The following RBM20 variants were observed in gnomAD, a reference collection of about 807,000 sequenced individuals.
The protein encoded by RBM20 is RNA binding motif protein 20, also known as RNA-binding protein 20.
Under a neutral mutation model 110.1 loss-of-function variants are expected in RBM20, and 51 were observed. That is an observed-to-expected ratio of 0.46 (90% CI 0.37 to 0.59). The LOEUF (loss-of-function observed/expected upper bound fraction) is 0.59. Among genes scored for constraint, RBM20 ranks in the 20% least tolerant of loss-of-function variants. The pLI, the probability that RBM20 is intolerant of heterozygous loss-of-function variation, is 0.00. For missense variants in RBM20, 1,512 were observed against 1,574.9 expected, an observed-to-expected ratio of 0.96 and a Z score of 0.68; for synonymous variants, 589 against 618.2, an observed-to-expected ratio of 0.95 and a Z score of 0.70.
chr10:110,810,703 C>T (rs1347349956), intron 8 of RBM20, among the ~76,000 whole-genome samples: 1 of 152,156 alleles, frequency 6.6e-6, no homozygotes, highest in East Asian at 1.9e-4. Context: ...AGCTCCTCAC[C>T]CTTTGTTGGA....
chr10:110,820,352 G>C (rs1475149184), intron 10 of RBM20, among the ~76,000 whole-genome samples, 176 bp downstream of exon 10: 1 of 152,148 alleles, frequency 6.6e-6, no homozygotes, highest in East Asian at 1.9e-4. Context: ...TGGAATCTTC[G>C]GACAGTTTTT....
At chr10:110,829,806 C>A (rs189256913) in intron 12 of RBM20, among the ~76,000 whole-genome samples, 4 of 152,124 alleles carry the variant, frequency 2.6e-5, no homozygotes, top group African/African-American at 9.7e-5. Context: ...CCCATCCCTG[C>A]AAGAAATTGC....
intron 1 of RBM20, among the ~76,000 whole-genome samples, chr10:110,718,270 T>C (rs980424082): frequency 2.0e-5 from 3 of 152,226 alleles, no homozygotes; most frequent in Non-Finnish European, 2.9e-5. Context: ...TTAAAACACA[T>C]TACATTTTAT....
At position 110,654,955 on chromosome 10, in the gene RBM20, G is replaced by C. The variant is rs191137010; in HGVS notation, c.191+10310G>C. ...ATCCATTTACTTCAACAATAATCCT[G>C]TGAGGTAAGTGTTGTTATTCTCCCC... On this transcript the variant is annotated intron_variant, in intron 1 of 13. Transcript: ENST00000369519. 1.3e-3 allele frequency among the ~76,000 whole-genome samples: 199 copies of C among 152,316 alleles called. 1 individual carries two copies. Among genetic ancestry groups the C allele is most frequent in the African/African-American group, 4.6e-3 (192 of 41,558 alleles).
Position 110,799,818 on chromosome 10 carries a change from C to A in RBM20, c.1700C>A (p.Ala567Glu). 6.4e-7 allele frequency: 1 copy of A among 1,551,450 alleles called. No homozygotes were observed. The highest frequency in any genetic ancestry group is 8.7e-7 in the Non-Finnish European group (1 of 1,146,656). Residue 567 changes from alanine (A) to glutamate (E), a missense_variant, in exon 7 of 14, where the codon GCA becomes GAA. By Grantham distance (107) the Ala-to-Glu change is moderately radical (BLOSUM62 -1). Transcript: ENST00000369519. ...TTAGAGATGGCTTACACAGAAGCTG[C>A]ACAGGCCATGGTCCAGTATTATCAA... ...AFLEMAYTEA[A>E]QAMVQYYQEK... is the part of the protein sequence containing the mutation.
At chr10:110,767,125 A>C (rs1257733371) in intron 1 of RBM20, among the ~76,000 whole-genome samples, 10 of 79,310 alleles carry the variant, frequency 1.3e-4, no homozygotes, top group Admixed American at 1.3e-4. Flanking sequence ...GACCCCCCCC[A>C]CCTCCCTCCC....
At chr10:110,764,731 C>T (rs1844056614) in intron 1 of RBM20, among the ~76,000 whole-genome samples, 1 of 152,160 alleles carries the variant, frequency 6.6e-6, no homozygotes, top group South Asian at 2.1e-4. Context: ...TTGGAATTTT[C>T]TAGGGAGGCA....
Position 110,835,861 on chromosome 10 carries a change from T to G in RBM20, c.3574-7T>G, listed in dbSNP as rs397516616. The G allele has an allele frequency of 1.2e-4, 189 of 1,550,612 alleles. No homozygotes were observed. The highest frequency in any genetic ancestry group is 1.6e-4 in the Non-Finnish European group (180 of 1,146,366). ...CCCTTCCTCCACTTCCCCTCTTCTT[T>G]CCACAGAAATATTTGTCCCAGCTGG... On this transcript the variant is annotated splice_polypyrimidine_tract_variant and splice_region_variant and intron_variant, in intron 13 of 13. Transcript: ENST00000369519.
rs75616975 is a variant in RBM20 at position 110,738,919 on chromosome 10, G to A, written c.192-41882G>A. 4.2e-4 allele frequency among the ~76,000 whole-genome samples: 64 copies of A among 152,294 alleles called. No homozygotes were observed. In the East Asian group the frequency reaches 0.011, roughly 27 times the overall value. On this transcript the variant is annotated intron_variant, in intron 1 of 13. Coordinates refer to ENST00000369519, the MANE Select transcript of RBM20 (RefSeq NM_001134363.3). ...TTGGTCTGAGAACTCTCCAGATCTC[G>A]CCTTCCTTGCAGATTCGTATCACAG...
rs561140175 is a variant in RBM20 at position 110,674,106 on chromosome 10, C to T, written c.191+29461C>T. Among the ~76,000 whole-genome samples the T allele has an allele frequency of 2.2e-4, 33 of 152,190 alleles. No homozygotes were observed. In the South Asian group the frequency reaches 6.0e-3, roughly 28 times the overall value. ...GAGAGACGATATCTCTTTAAGGGTGCATTTTAGTTCATTTGTGTGTCAGGT... is the reference window on the plus strand; with the variant it reads ...GAGAGACGATATCTCTTTAAGGGTGTATTTTAGTTCATTTGTGTGTCAGGT... On this transcript the variant is annotated intron_variant, in intron 1 of 13. Coordinates refer to ENST00000369519, the MANE Select transcript of RBM20 (RefSeq NM_001134363.3).
chr10:110,712,727 A>C (rs184949004), intron 1 of RBM20, among the ~76,000 whole-genome samples: 1 of 152,202 alleles, frequency 6.6e-6, no homozygotes, highest in African/African-American at 2.4e-5. Flanking sequence ...AGATCGCACC[A>C]CTGCACTCCA....
At chr10:110,688,819 C>T (rs1173814476) in intron 1 of RBM20, among the ~76,000 whole-genome samples, 1 of 152,080 alleles carries the variant, frequency 6.6e-6, no homozygotes, top group African/African-American at 2.4e-5. Context: ...TTCAGTTTTC[C>T]CACCAATGTC....
At position 110,706,413 on chromosome 10, in the gene RBM20, C is replaced by T. The variant is rs1862840028; in HGVS notation, c.191+61768C>T. ...ATATCTGTGTGTCTCTGGGACAGCC[C>T]TGGACCTTGAGGTTGGAGCTCAGCG... On this transcript the variant is annotated intron_variant, in intron 1 of 13. Coordinates refer to ENST00000369519, the MANE Select transcript of RBM20 (RefSeq NM_001134363.3). Among the ~76,000 whole-genome samples, 3 of 152,250 alleles carry T rather than the reference C, an allele frequency of 2.0e-5. No individual in the cohort carries two copies. In the South Asian group the frequency reaches 6.2e-4, roughly 31 times the overall value.
chr10:110,707,146 T>C (rs1393040218), intron 1 of RBM20, among the ~76,000 whole-genome samples: 1 of 152,220 alleles, frequency 6.6e-6, no homozygotes, highest in Non-Finnish European at 1.5e-5. Context: ...GGAAAATCTA[T>C]TTAGTGATGG....
At chr10:110,760,790 G>A (rs1843987678) in intron 1 of RBM20, among the ~76,000 whole-genome samples, 1 of 149,556 alleles carries the variant, frequency 6.7e-6, no homozygotes, top group African/African-American at 2.4e-5. Flanking sequence ...AAATAGGTAT[G>A]TTTATTAAAG....
chr10:110,759,628 C>G (rs2134999114), intron 1 of RBM20, among the ~76,000 whole-genome samples: 1 of 152,250 alleles, frequency 6.6e-6, no homozygotes, highest in South Asian at 2.1e-4. Context: ...GGGGCAATGG[C>G]AGGGACCGGC....
chr10:110,724,712 G>A (rs183122895), intron 1 of RBM20, among the ~76,000 whole-genome samples: 30 of 152,318 alleles, frequency 2.0e-4, no homozygotes, highest in Non-Finnish European at 4.1e-4. Context: ...CAAAGCAGAT[G>A]TTTTCACTTC....
intron 1 of RBM20, among the ~76,000 whole-genome samples, chr10:110,750,138 A>G (rs991092132): frequency 1.3e-5 from 2 of 152,264 alleles, no homozygotes; most frequent in African/African-American, 4.8e-5. Flanking sequence ...GTGAAAAATG[A>G]TAAAAATGTT....
intron 5 of RBM20, among the ~76,000 whole-genome samples, chr10:110,790,469 T>G (rs575030121): frequency 7.1e-4 from 108 of 152,354 alleles, no homozygotes; most frequent in Admixed American, 1.6e-3. Context: ...GGAAAAGCAG[T>G]GTGAACATTG....
Sources: gnomAD v4.1 joint callset for allele counts (sites outside exome capture counted in the v4.1 genomes callset) on GRCh38, gnomAD v4.1.1 for gene constraint, MANE v1.5 for transcripts, NCBI Gene and HGNC (gene_info 2026-07-23, HGNC 2026-07-21) for gene names.